CDH13: variants seen among roughly 807,000 people sequenced by gnomAD.
The protein encoded by CDH13 is cadherin-13.
A neutral mutation model predicts 63.8 loss-of-function variants in CDH13; 24 were observed. That is an observed-to-expected ratio of 0.38 (90% CI 0.27 to 0.53). The LOEUF is 0.53. Ranked by LOEUF, CDH13 falls within the 20% of genes least tolerant of loss-of-function variation. The pLI is 0.85. For synonymous variants in CDH13, 503 were observed against 355.3 expected (o/e 1.42, Z -4.67); for missense variants, 1,049 against 903.1 (o/e 1.16, Z -2.07).
chr16:83,710,195 T>C (rs1312474715), intron 10 of CDH13: 1 of 152,204 alleles, frequency 6.6e-6, no homozygotes, highest in Non-Finnish European at 1.5e-5. Context: ...GGGGGGACAA[T>C]TGAAGTTGCC....
chr16:83,637,093 T>C (rs1385624467), intron 8 of CDH13, among the ~76,000 whole-genome samples: 1 of 152,226 alleles, frequency 6.6e-6, no homozygotes, highest in Non-Finnish European at 1.5e-5. Context: ...CTTTGCCCTC[T>C]TTTTAATGGT....
At chr16:83,060,505 T>G (rs961106478) in intron 3 of CDH13, among the ~76,000 whole-genome samples, 13 of 152,260 alleles carry the variant, frequency 8.5e-5, no homozygotes, top group African/African-American at 2.9e-4. Flanking sequence ...TTGCATCCCC[T>G]CCATTAACTC....
intron 1 of CDH13, among the ~76,000 whole-genome samples, chr16:82,810,060 A>G (rs903095833): frequency 6.6e-6 from 1 of 152,202 alleles, no homozygotes; most frequent in African/African-American, 2.4e-5. Flanking sequence ...ATGTTTGCCA[A>G]CAGTGATTAG....
chr16:83,745,761 G>A (rs1381178269), intron 10 of CDH13, among the ~76,000 whole-genome samples: 1 of 152,084 alleles, frequency 6.6e-6, no homozygotes, highest in East Asian at 1.9e-4. Flanking sequence ...CTTCTCCTTG[G>A]CCACACAGGA....
At chr16:82,663,614 G>T (rs536126237) in intron 1 of CDH13, among the ~76,000 whole-genome samples, 1 of 152,208 alleles carries the variant, frequency 6.6e-6, no homozygotes, top group East Asian at 1.9e-4. Flanking sequence ...AAGTTCAAAA[G>T]CATCTTGCTT....
intron 1 of CDH13, among the ~76,000 whole-genome samples, chr16:82,687,614 A>G (rs1597325004): frequency 1.3e-5 from 2 of 152,148 alleles, no homozygotes; most frequent in African/African-American, 4.8e-5. Flanking sequence ...CAAGAACAGC[A>G]TGGGAAAACC....
At chr16:82,881,106 T>C (rs2040686817) in intron 2 of CDH13, among the ~76,000 whole-genome samples, 1 of 152,192 alleles carries the variant, frequency 6.6e-6, no homozygotes, top group African/African-American at 2.4e-5. Flanking sequence ...TTTTTTTCTT[T>C]ATTGTTGTGT....
chr16:82,959,167 G>C (rs1161783267), intron 2 of CDH13, among the ~76,000 whole-genome samples: 1 of 152,134 alleles, frequency 6.6e-6, no homozygotes, highest in Non-Finnish European at 1.5e-5. Flanking sequence ...CTTTTATTTG[G>C]AAAGCCTCTA....
chr16:83,130,378 A>C (rs952326456), intron 4 of CDH13, among the ~76,000 whole-genome samples: 1 of 152,204 alleles, frequency 6.6e-6, no homozygotes, highest in Non-Finnish European at 1.5e-5. Flanking sequence ...CTTAACCAGT[A>C]TCCTCAGGAA....
chr16:83,525,061 C>G (rs1046139411), intron 7 of CDH13, among the ~76,000 whole-genome samples: 1 of 152,164 alleles, frequency 6.6e-6, no homozygotes, highest in Non-Finnish European at 1.5e-5. Context: ...GTCTGATGCA[C>G]ACAGTGGAAT....
intron 3 of CDH13, among the ~76,000 whole-genome samples, chr16:83,071,485 CT>C (rs949049835): frequency 1.3e-5 from 2 of 152,166 alleles, no homozygotes; most frequent in Admixed American, 1.3e-4. Flanking sequence ...GGGCCAGACC[CT>C]TTGCTCTCTG....
chr16:83,225,720 C>G (rs181259126), intron 5 of CDH13, among the ~76,000 whole-genome samples: 2 of 152,274 alleles, frequency 1.3e-5, no homozygotes, highest in Admixed American at 1.3e-4. Flanking sequence ...CACTCCAAAC[C>G]AATTAAATCA....
At chr16:83,480,680 C>T (rs1003531158) in intron 6 of CDH13, among the ~76,000 whole-genome samples, 8 of 152,134 alleles carry the variant, frequency 5.3e-5, no homozygotes, top group African/African-American at 1.2e-4. Flanking sequence ...GCAGGGTGAC[C>T]ACCTCATTCT....
intron 9 of CDH13, among the ~76,000 whole-genome samples, chr16:83,672,375 A>G (rs1391372910): frequency 7.3e-6 from 1 of 137,684 alleles, no homozygotes; most frequent in Non-Finnish European, 1.5e-5. Flanking sequence ...CTATCCTCAC[A>G]TGGTAGATAG....
At chr16:82,684,255 A>G (rs1476297849) in intron 1 of CDH13, among the ~76,000 whole-genome samples, 2 of 152,220 alleles carry the variant, frequency 1.3e-5, no homozygotes, top group East Asian at 3.9e-4. Flanking sequence ...CGAAACGGTG[A>G]CTGTGAGAGT....
chr16:83,557,635 T>C (rs2075629906), intron 7 of CDH13, among the ~76,000 whole-genome samples: 2 of 152,144 alleles, frequency 1.3e-5, no homozygotes, highest in African/African-American at 4.8e-5. Context: ...CCCTTTGTTA[T>C]AGGAAATGCC....
In CDH13 at chr16:83,436,785, G is replaced by A. The variant is rs79902789; in HGVS notation, c.782-49692G>A. ...GGGAGACCTTGCAGAGGTTTTCAAGGTCTGCTGTGAATGTATGATTTAGAC... is the reference window on the plus strand; with the variant it reads ...GGGAGACCTTGCAGAGGTTTTCAAGATCTGCTGTGAATGTATGATTTAGAC... On this transcript the variant is annotated intron_variant, in intron 6 of 13. Coordinates refer to ENST00000567109, the MANE Select transcript of CDH13 (RefSeq NM_001257.5). Among the ~76,000 whole-genome samples the A allele has an allele frequency of 2.1e-3, 320 of 152,302 alleles. 1 individual carries two copies. Among genetic ancestry groups the A allele is most frequent in the African/African-American group, 7.3e-3 (303 of 41,560 alleles).
intron 7 of CDH13, among the ~76,000 whole-genome samples, chr16:83,584,281 A>C (rs185851649): frequency 2.0e-5 from 3 of 152,214 alleles, no homozygotes; most frequent in South Asian, 2.1e-4. Flanking sequence ...GTGAGCTGAG[A>C]TCGTGCCACT....
intron 8 of CDH13, among the ~76,000 whole-genome samples, chr16:83,619,242 C>T (rs1325847848): frequency 6.6e-6 from 1 of 152,164 alleles, no homozygotes; most frequent in African/African-American, 2.4e-5. Flanking sequence ...GTGAAGTGAA[C>T]AGGGTCCCTG....
Sources: gnomAD v4.1 joint callset for allele counts (sites outside exome capture counted in the v4.1 genomes callset) on GRCh38, gnomAD v4.1.1 for gene constraint, MANE v1.5 for transcripts, NCBI Gene and HGNC (gene_info 2026-07-23, HGNC 2026-07-21) for gene names.